The following AKT3 variants were observed in gnomAD, a reference collection of about 807,000 sequenced individuals.
The protein encoded by AKT3 is AKT serine/threonine kinase 3.
Under a neutral mutation model 65.3 loss-of-function variants are expected in AKT3, and 15 were observed. The ratio of observed to expected loss-of-function variants is 0.23; its 90% CI spans 0.15 to 0.35. AKT3 has a LOEUF of 0.35. Ranked by LOEUF, AKT3 falls within the 10% of genes least tolerant of loss-of-function variation. The probability of loss-of-function intolerance (pLI) is 1.00; values close to 1 mark genes in which losing one functional copy is unlikely to be tolerated. For missense variants in AKT3, 243 were observed against 576.5 expected (o/e 0.42, Z 5.92); for synonymous variants, 206 against 183.8 (o/e 1.12, Z -0.98).
At chr1:243,551,005 GTT>G (rs1250907272) in intron 11 of AKT3, among the ~76,000 whole-genome samples, 1 of 139,514 alleles carries the variant, frequency 7.2e-6, no homozygotes, top group Admixed American at 7.2e-5. Context: ...TCACCACTCT[GTT>G]TAAAGTTACC....
At chr1:243,613,553 C>T (rs61366358) in intron 8 of AKT3, 118 bp downstream of exon 8, 2 of 650,280 alleles carry the variant, frequency 3.1e-6, no homozygotes, top group Non-Finnish European at 2.4e-6. Context: ...GTATTAAGAG[C>T]TACATAAATT....
In AKT3 at chr1:243,500,078, G is replaced by C. The variant is rs879828098; in HGVS notation, c.*5171C>G. The C allele has an allele frequency of 4.8e-6, 2 of 414,694 alleles. No homozygotes were observed. The highest frequency in any genetic ancestry group is 8.6e-6 in the Non-Finnish European group (2 of 232,978). The allele number at this position is 414,694 out of a possible 1,614,324, so 25.7% of individuals were successfully genotyped here. The stretch of plus-strand genomic sequence containing the variant: ...GTTATACATATGATTTTCAATAAAT[G>C]AACTTTTTAAAGACTTGAGTTGTAA... On this transcript the variant is annotated 3_prime_UTR_variant, in exon 14 of 14. Coordinates refer to ENST00000673466, the MANE Select transcript of AKT3 (RefSeq NM_005465.7).
At chr1:243,760,282 C>CTTTT (rs58733457) in intron 2 of AKT3, among the ~76,000 whole-genome samples, 3,996 of 80,814 alleles carry the variant, frequency 0.049, 681 homozygotes, top group African/African-American at 0.11. Context: ...CTATATCTGG[C>CTTTT]TTTTTTTTTT....
intron 1 of AKT3, among the ~76,000 whole-genome samples, chr1:243,846,855 G>A (rs1013723714): frequency 9.2e-5 from 14 of 152,190 alleles, no homozygotes; most frequent in African/African-American, 3.4e-4. Flanking sequence ...GCCACAATAA[G>A]TTTTTCTTAT....
intron 2 of AKT3, among the ~76,000 whole-genome samples, chr1:243,721,818 T>C (rs1187728614): frequency 6.6e-6 from 1 of 152,112 alleles, no homozygotes; most frequent in Admixed American, 6.5e-5. Flanking sequence ...TGTGTAGTAT[T>C]AGATAACACT....
At chr1:243,829,999 A>T (rs1388685471) in intron 2 of AKT3, among the ~76,000 whole-genome samples, 1 of 152,196 alleles carries the variant, frequency 6.6e-6, no homozygotes, top group Non-Finnish European at 1.5e-5. Context: ...TAAGAGAAAC[A>T]TTGACAAACT....
At position 243,573,021 on chromosome 1, in the gene AKT3, C is replaced by T. The variant is rs752227326; in HGVS notation, c.724G>A (p.Val242Met). The change falls in exon 9 of 14, where the codon GTG (valine) becomes ATG (methionine). Residue 242 changes from valine (V) to methionine (M), a missense_variant. Around this residue, in one of 6 missense-constraint regions of AKT3, gnomAD observed 61 missense variants for 163.3 expected, o/e 0.37. Coordinates refer to ENST00000673466, the MANE Select transcript of AKT3 (RefSeq NM_005465.7). ...ELFFHLSRER[V>M]FSEDRTRFYG... ...AAACGTGTGCGGTCCTCAGAGAACA[C>T]CCGCTCTCTCGACAAATGGAAAAAC... 1 of 1,613,202 alleles carries T rather than the reference C, an allele frequency of 6.2e-7. No homozygotes were observed. The highest frequency in any genetic ancestry group is 1.3e-5 in the African/African-American group (1 of 74,832).
At chr1:243,615,903 GCTTC>G (rs1007021416) in intron 6 of AKT3, among the ~76,000 whole-genome samples, 1 of 151,762 alleles carries the variant, frequency 6.6e-6, no homozygotes, top group Non-Finnish European at 1.5e-5. Context: ...AGCCTTATAT[GCTTC>G]CTTATTTATT....
intron 8 of AKT3, among the ~76,000 whole-genome samples, chr1:243,599,383 T>C (rs934934076): frequency 2.0e-5 from 3 of 152,138 alleles, no homozygotes; most frequent in African/African-American, 7.2e-5. Context: ...AAACAGTGTA[T>C]TGTAAAGGTT....
chr1:243,792,454 G>A (rs1379565967), intron 2 of AKT3, among the ~76,000 whole-genome samples: 3 of 152,012 alleles, frequency 2.0e-5, no homozygotes, highest in Non-Finnish European at 2.9e-5. Context: ...TATATAACCC[G>A]GACTATGAAA....
intron 3 of AKT3, among the ~76,000 whole-genome samples, chr1:243,690,390 G>A (rs974844210): frequency 6.6e-6 from 1 of 152,122 alleles, no homozygotes; most frequent in African/African-American, 2.4e-5. Context: ...CTGAGACAAT[G>A]TATGTATCCT....
At chr1:243,804,629 G>A (rs746607065) in intron 2 of AKT3, among the ~76,000 whole-genome samples, 2 of 152,096 alleles carry the variant, frequency 1.3e-5, no homozygotes, top group African/African-American at 2.4e-5. Context: ...GATGGATCAC[G>A]AGGTCAGAAG....
chr1:243,797,069 A>C (rs1177131803), intron 2 of AKT3, among the ~76,000 whole-genome samples: 1 of 152,164 alleles, frequency 6.6e-6, no homozygotes, highest in East Asian at 1.9e-4. Context: ...GTTGCAAAAC[A>C]ATGTGCATGT....
chr1:243,775,437 C>G (rs1301195270), intron 2 of AKT3, among the ~76,000 whole-genome samples: 1 of 152,170 alleles, frequency 6.6e-6, no homozygotes, highest in Non-Finnish European at 1.5e-5. Flanking sequence ...ACCTCGGCCT[C>G]CCAAAGGGCT....
intron 12 of AKT3, among the ~76,000 whole-genome samples, chr1:243,514,439 T>C (rs1477492769): frequency 6.6e-6 from 1 of 152,182 alleles, no homozygotes; most frequent in Non-Finnish European, 1.5e-5. Context: ...ACCGCCTTCT[T>C]ACATTAAACA....
At chr1:243,772,512 G>A (rs1228378948) in intron 2 of AKT3, among the ~76,000 whole-genome samples, 1 of 152,164 alleles carries the variant, frequency 6.6e-6, no homozygotes, top group African/African-American at 2.4e-5. Context: ...AGTTAGAATG[G>A]CGATCATTAA....
chr1:243,789,278 T>C (rs891833926), intron 2 of AKT3, among the ~76,000 whole-genome samples: 3 of 152,180 alleles, frequency 2.0e-5, no homozygotes, highest in Admixed American at 6.5e-5. Context: ...CCTAGCTACT[T>C]AGAAGGCTGA....
intron 2 of AKT3, among the ~76,000 whole-genome samples, chr1:243,812,683 G>A (rs1693241271): frequency 6.6e-6 from 1 of 152,086 alleles, no homozygotes; most frequent in Admixed American, 6.5e-5. Context: ...CATACCCAAA[G>A]GATTATAAAT....
In AKT3 at chr1:243,501,619, A is replaced by G. The variant is rs1460294290; in HGVS notation, c.*3630T>C. On this transcript the variant is annotated 3_prime_UTR_variant, in exon 14 of 14. Coordinates refer to ENST00000673466, the MANE Select transcript of AKT3 (RefSeq NM_005465.7). ...CCCTATGTGTGTGTGTGTGAGCTACAAGGAATTATTTCTATATTTTCCTGT... is the reference window on the plus strand; with the variant it reads ...CCCTATGTGTGTGTGTGTGAGCTACGAGGAATTATTTCTATATTTTCCTGT... The G allele has an allele frequency of 4.5e-6, 1 of 224,712 alleles. No homozygotes were observed. The highest frequency in any genetic ancestry group is 2.3e-5 in the African/African-American group (1 of 43,260). The allele number at this position is 224,712 out of a possible 1,614,324, so 13.9% of individuals were successfully genotyped here.
Sources: allele counts gnomAD v4.1 joint callset (sites outside exome capture counted in the v4.1 genomes callset), GRCh38; gene constraint gnomAD v4.1.1; regional missense constraint gnomAD v4.1.1; transcripts MANE v1.5; gene names NCBI Gene and HGNC (gene_info 2026-07-23, HGNC 2026-07-21).